LRRC49: variants seen among roughly 807,000 people sequenced by gnomAD.
The protein encoded by LRRC49 is leucine-rich repeat-containing protein 49.
A neutral mutation model predicts 83.3 loss-of-function variants in LRRC49; 50 were observed. The observed-to-expected ratio is 0.60, with a 90% CI of 0.48 to 0.76. LRRC49 has a LOEUF of 0.76. Ranked by LOEUF, LRRC49 falls within the 30% of genes least tolerant of loss-of-function variation. LRRC49 has a pLI of 0.00. For missense variants in LRRC49, 704 were observed against 809.1 expected, an observed-to-expected ratio of 0.87 and a Z score of 1.58; for synonymous variants, 286 against 283.3, an observed-to-expected ratio of 1.01 and a Z score of -0.10.
chr15:70,886,145 T>C (rs2033401179), intron 2 of LRRC49, among the ~76,000 whole-genome samples: 2 of 152,180 alleles, frequency 1.3e-5, no homozygotes, highest in Admixed American at 1.3e-4. Flanking sequence ...AAATACTGCA[T>C]ACCTAAAACT....
At chr15:70,885,394 CTATT>C (rs2033380140) in intron 2 of LRRC49, among the ~76,000 whole-genome samples, 1 of 152,106 alleles carries the variant, frequency 6.6e-6, no homozygotes, top group African/African-American at 2.4e-5. Context: ...TAAACCCTTT[CTATT>C]TATCAAAATA....
At chr15:70,980,926 T>C (rs764552940) in intron 10 of LRRC49, among the ~76,000 whole-genome samples, 11 of 152,132 alleles carry the variant, frequency 7.2e-5, no homozygotes, top group Admixed American at 6.6e-4. Context: ...CAAGGTGGTA[T>C]GTACCTGAAG....
chr15:70,952,693 A>G (rs2036261857), intron 8 of LRRC49, among the ~76,000 whole-genome samples: 1 of 152,086 alleles, frequency 6.6e-6, no homozygotes, highest in African/African-American at 2.4e-5. Flanking sequence ...TTGCTGGTTT[A>G]CTGCCTTGAT....
intron 7 of LRRC49, among the ~76,000 whole-genome samples, chr15:70,924,974 T>C (rs1285150286): frequency 6.6e-6 from 1 of 152,016 alleles, no homozygotes; most frequent in South Asian, 2.1e-4. Context: ...GCCTTTAAGA[T>C]TGTAAGATTT....
At chr15:71,026,785 G>A (rs900409073) in intron 14 of LRRC49, among the ~76,000 whole-genome samples, 4 of 152,022 alleles carry the variant, frequency 2.6e-5, no homozygotes, top group African/African-American at 9.7e-5. Context: ...TTTTGATGGG[G>A]TTGTTTGTTT....
At chr15:70,979,454 C>CT (rs773000823) in intron 9 of LRRC49, among the ~76,000 whole-genome samples, 205 of 145,102 alleles carry the variant, frequency 1.4e-3, no homozygotes, top group East Asian at 6.0e-3. Flanking sequence ...ACCTGATTAT[C>CT]TTTTTTTTTT....
At chr15:71,035,002 T>C (rs986849963) in intron 14 of LRRC49, among the ~76,000 whole-genome samples, 1 of 152,136 alleles carries the variant, frequency 6.6e-6, no homozygotes, top group African/African-American at 2.4e-5. Context: ...TGTTTCACTG[T>C]GTAACAAAGC....
chr15:70,964,053 G>A, intron 9 of LRRC49, 121 bp downstream of exon 9: 1 of 887,016 alleles, frequency 1.1e-6, no homozygotes, highest in East Asian at 2.9e-5. Context: ...TATCATGATT[G>A]TATACTTCAT....
At chr15:70,944,474 C>T (rs534464077) in intron 8 of LRRC49, among the ~76,000 whole-genome samples, 7 of 152,182 alleles carry the variant, frequency 4.6e-5, no homozygotes, top group East Asian at 1.9e-4. Flanking sequence ...GCGCGATCTC[C>T]GTTCACCGCA....
chr15:70,883,150 A>ACG (rs1463993647), intron 2 of LRRC49, among the ~76,000 whole-genome samples: 1 of 152,172 alleles, frequency 6.6e-6, no homozygotes, highest in African/African-American at 2.4e-5. Flanking sequence ...CTATTTGCTT[A>ACG]CAACTAATTT....
chr15:71,041,283 T>A (rs1426179307), intron 15 of LRRC49, among the ~76,000 whole-genome samples: 1 of 152,158 alleles, frequency 6.6e-6, no homozygotes, highest in African/African-American at 2.4e-5. Flanking sequence ...ACTATTATAT[T>A]TTTCTCAATA....
At chr15:70,869,437 C>T (rs2032982447) in intron 1 of LRRC49, among the ~76,000 whole-genome samples, 1 of 152,298 alleles carries the variant, frequency 6.6e-6, no homozygotes, top group East Asian at 1.9e-4. Flanking sequence ...AGGCGATTGG[C>T]TGTAGGGACA....
intron 15 of LRRC49, among the ~76,000 whole-genome samples, chr15:71,039,031 C>T (rs1388139818): frequency 6.6e-6 from 1 of 151,986 alleles, no homozygotes; most frequent in Non-Finnish European, 1.5e-5. Flanking sequence ...AGATAACTAA[C>T]CCAGATCAAA....
intron 14 of LRRC49, among the ~76,000 whole-genome samples, chr15:71,032,510 T>G (rs1228657676): frequency 1.3e-5 from 2 of 152,182 alleles, no homozygotes; most frequent in African/African-American, 4.8e-5. Flanking sequence ...TATCTCATTT[T>G]ATGAGGCCAT....
intron 2 of LRRC49, among the ~76,000 whole-genome samples, chr15:70,874,514 G>A (rs1485174318): frequency 6.6e-6 from 1 of 152,184 alleles, no homozygotes; most frequent in Non-Finnish European, 1.5e-5. Context: ...GGTGGAAGAA[G>A]GTTGACAGTC....
intron 7 of LRRC49, among the ~76,000 whole-genome samples, chr15:70,920,675 T>G (rs1021020783): frequency 5.3e-5 from 8 of 152,208 alleles, no homozygotes; most frequent in African/African-American, 1.9e-4. Flanking sequence ...TCCCGTTGAG[T>G]ATTATGTTTA....
At chr15:71,039,162 A>G (rs748703374) in intron 15 of LRRC49, among the ~76,000 whole-genome samples, 1 of 152,196 alleles carries the variant, frequency 6.6e-6, no homozygotes, top group Non-Finnish European at 1.5e-5. Flanking sequence ...ATAGAAGTAT[A>G]AAACATGTAA....
At chr15:70,893,869 T>G (rs904187346) in intron 2 of LRRC49, among the ~76,000 whole-genome samples, 10 of 132,468 alleles carry the variant, frequency 7.5e-5, no homozygotes, top group Non-Finnish European at 1.2e-4. Flanking sequence ...GGTTTTTTTG[T>G]TTTTTTTTTT....
intron 15 of LRRC49, 21 bp downstream of exon 15, chr15:71,037,353 T>A: frequency 6.4e-7 from 1 of 1,564,920 alleles, no homozygotes; most frequent in East Asian, 2.3e-5. Flanking sequence ...TGTTAATCTT[T>A]GCGATCTAAT....
Sources: gnomAD v4.1 joint callset for allele counts (sites outside exome capture counted in the v4.1 genomes callset) on GRCh38, gnomAD v4.1.1 for gene constraint, MANE v1.5 for transcripts, NCBI Gene and HGNC (gene_info 2026-07-23, HGNC 2026-07-21) for gene names.